C2orf72: variants seen among roughly 807,000 people sequenced by gnomAD.
C2orf72 encodes the protein uncharacterized protein C2orf72.
Under a neutral mutation model 14.4 loss-of-function variants are expected in C2orf72, and 16 were observed. That is an observed-to-expected ratio of 1.11 (90% confidence interval 0.75 to 1.69). The LOEUF (loss-of-function observed/expected upper bound fraction) is 1.69, where lower values mean the gene tolerates loss of function less well. Ranked by LOEUF, C2orf72 falls within the 40% of genes most tolerant of loss-of-function variation. C2orf72 has a pLI of 0.00. For missense variants in C2orf72, 371 were observed against 358.3 expected (o/e 1.04, Z -0.29); for synonymous variants, 168 against 176.8 (o/e 0.95, Z 0.40).
At chr2:231,044,095 A>G (rs1693378629) in intron 2 of C2orf72, among the ~76,000 whole-genome samples, 1 of 152,214 alleles carries the variant, frequency 6.6e-6, no homozygotes, top group South Asian at 2.1e-4. Context: ...CAGTAAAAAT[A>G]TGCTATAAAA....
At chr2:231,039,073 A>G (rs1454580574) in intron 1 of C2orf72, among the ~76,000 whole-genome samples, 1 of 151,948 alleles carries the variant, frequency 6.6e-6, no homozygotes, top group East Asian at 1.9e-4. Context: ...TATCGCAAGG[A>G]CAAAAAACCA....
chr2:231,038,281 C>A, intron 1 of C2orf72, 82 bp downstream of exon 1: 1 of 1,050,626 alleles, frequency 9.5e-7, no homozygotes, highest in Admixed American at 4.9e-5. Context: ...TTGGCCATTC[C>A]CTTATTGAGC....
Position 231,037,532 on chromosome 2 carries a change from C to CGG in C2orf72, c.-34_-33insGG. 1.0e-6 allele frequency: 1 copy of CGG among 998,404 alleles called. No individual in the cohort carries two copies. The highest frequency in any genetic ancestry group is 1.2e-6 in the Non-Finnish European group (1 of 840,448). The allele number at this position is 998,404 out of a possible 1,614,324, so 61.8% of individuals were successfully genotyped here. A position where few individuals can be genotyped will look rare whatever the true frequency, so the allele number is the denominator to read the frequency against. On this transcript the variant is annotated 5_prime_UTR_variant, in exon 1 of 3. Transcript: ENST00000373640. ...GAGGCGGGCAGCGGGTGCGCCCGGG[C>CGG]CGCGGCGGCCGCAGAGGGCGGGCGG...
chr2:231,044,945 T>TTATATATATATATATATATATA (rs58611878), intron 2 of C2orf72, among the ~76,000 whole-genome samples: 170 of 141,616 alleles, frequency 1.2e-3, no homozygotes, highest in South Asian at 3.1e-3. Context: ...ATATATATCT[T>TTATATATATATATATATATATA]TATATATATA....
Position 231,037,786 on chromosome 2 carries a change from C to T in C2orf72, c.221C>T (p.Ala74Val). 1 of 983,792 alleles carries T rather than the reference C, an allele frequency of 1.0e-6. No individual in the cohort carries two copies. 60.9% of individuals were successfully genotyped at this position (983,792 alleles called of 1,614,324 possible). Residue 74 changes from alanine (A) to valine (V), a missense_variant, in exon 1 of 3, where the codon GCG becomes GTG. Ala to Val is a moderately conservative substitution (Grantham distance 64). Coordinates refer to ENST00000373640, the MANE Select transcript of C2orf72 (RefSeq NM_001144994.2). ...AKPGGAAAEG[A>V]GPGAARGAQR... ...CCGGGCGGCGCGGCGGCAGAGGGCG[C>T]GGGGCCCGGGGCGGCGCGCGGGGCG... is the stretch of plus-strand genomic sequence containing the variant.
At chr2:231,039,704 A>G (rs1316830539) in intron 1 of C2orf72, among the ~76,000 whole-genome samples, 2 of 151,800 alleles carry the variant, frequency 1.3e-5, no homozygotes, top group African/African-American at 2.4e-5. Flanking sequence ...CAATAGAAAG[A>G]AGGGAATTCA....
intron 2 of C2orf72, among the ~76,000 whole-genome samples, chr2:231,043,112 G>A (rs534367874): frequency 2.0e-5 from 3 of 152,352 alleles, no homozygotes; most frequent in East Asian, 1.9e-4. Context: ...AGCTCCAAGA[G>A]GCCCCTGCCA....
intron 2 of C2orf72, among the ~76,000 whole-genome samples, chr2:231,044,962 T>TATATATATACAC (rs985747494): frequency 3.4e-5 from 5 of 146,426 alleles, no homozygotes; most frequent in African/African-American, 1.3e-4. Flanking sequence ...TATATATATA[T>TATATATATACAC]ACACACACAC....
intron 2 of C2orf72, among the ~76,000 whole-genome samples, chr2:231,045,477 T>C (rs1393964422): frequency 1.3e-5 from 2 of 150,950 alleles, no homozygotes; most frequent in Non-Finnish European, 3.0e-5. Context: ...ACAAGGTTAC[T>C]AGGTGACAGG....
At chr2:231,042,249 G>A (rs1464340710) in intron 2 of C2orf72, among the ~76,000 whole-genome samples, 3 of 152,148 alleles carry the variant, frequency 2.0e-5, no homozygotes, top group Non-Finnish European at 4.4e-5. Flanking sequence ...ATGTTAGAGA[G>A]ATAGGAAGCG....
intron 1 of C2orf72, among the ~76,000 whole-genome samples, chr2:231,038,685 G>A (rs866433262): frequency 1.6e-4 from 25 of 152,098 alleles, no homozygotes; most frequent in Admixed American, 1.5e-3. Flanking sequence ...GGGCGGAGGG[G>A]CATCTCCAGC....
chr2:231,044,671 T>G (rs1347692028), intron 2 of C2orf72, among the ~76,000 whole-genome samples: 9 of 146,872 alleles, frequency 6.1e-5, no homozygotes, highest in African/African-American at 2.3e-4. Flanking sequence ...TTTTAATTTT[T>G]TTTTTTTTTT....
In C2orf72 at chr2:231,037,679, GC is replaced by G. The variant is rs1693271063; in HGVS notation, c.115del (p.Leu39CysfsTer187). 4.6e-6 allele frequency: 5 copies of G among 1,094,324 alleles called. No homozygotes were observed. The South Asian group carries it at 1.1e-4, about 24-fold the overall frequency. 67.8% of individuals were successfully genotyped at this position (1,094,324 alleles called of 1,614,324 possible). On this transcript the variant is annotated frameshift_variant, in exon 1 of 3. Transcript: ENST00000373640. LOFTEE classifies it high-confidence loss of function. ...GRGQVLLVGELWEREQSRALL... is the reference protein window; with the variant it reads ...GRGQVLLVGEXWEREQSRALL... ...GCGGGCAGGTGCTGCTGGTGGGCGA[GC>G]TGTGGGAGCGCGAACAGAGCCGCGC...
At chr2:231,039,554 A>G (rs1204832950) in intron 1 of C2orf72, among the ~76,000 whole-genome samples, 1 of 151,988 alleles carries the variant, frequency 6.6e-6, no homozygotes, top group African/African-American at 2.4e-5. Flanking sequence ...GATGCTGCCA[A>G]TGTCACATTC....
In C2orf72 at chr2:231,042,716, G is replaced by A. The variant is rs574942890; in HGVS notation, c.748+1307G>A. 2.0e-5 allele frequency among the ~76,000 whole-genome samples: 3 copies of A among 152,290 alleles called. No homozygotes were observed. In the South Asian group the frequency reaches 6.2e-4, roughly 32 times the overall value. ...CTTCATTGCTGCATAAGAAATGATC[G>A]CAAGTAGGTTGGGCATGGTGACTCA... is the stretch of plus-strand genomic sequence containing the variant. On this transcript the variant is annotated intron_variant, in intron 2 of 2. Coordinates refer to ENST00000373640, the MANE Select transcript of C2orf72 (RefSeq NM_001144994.2).
chr2:231,042,451 ATC>A (rs773103122), intron 2 of C2orf72, among the ~76,000 whole-genome samples: 9 of 152,226 alleles, frequency 5.9e-5, no homozygotes, highest in Non-Finnish European at 8.8e-5. Context: ...GGAATGAGGT[ATC>A]TCTCTGAAAA....
chr2:231,037,646 G>T lies in C2orf72; in HGVS notation c.81G>T (p.Ala27=), dbSNP rs1328905864. ...EPPFQALVEA[A]GGRGQVLLVG... is the part of the protein sequence containing the mutation. ...CCTTCCAGGCGTTGGTGGAAGCGGC[G>T]GGGGGCCGCGGGCAGGTGCTGCTGG... Residue 27 remains alanine, a synonymous_variant, in exon 1 of 3, where the codon GCG becomes GCT. Coordinates refer to ENST00000373640, the MANE Select transcript of C2orf72 (RefSeq NM_001144994.2). 2.7e-6 allele frequency: 3 copies of T among 1,117,694 alleles called. No individual in the cohort carries two copies. Among genetic ancestry groups the T allele is most frequent in the Non-Finnish European group, 3.3e-6 (3 of 911,464 alleles). The allele number at this position is 1,117,694 out of a possible 1,614,324, so 69.2% of individuals were successfully genotyped here.
In C2orf72 at chr2:231,049,041, A is replaced by G. The variant is rs1417989641; in HGVS notation, c.*2020A>G. 6.6e-6 allele frequency: 1 copy of G among 152,188 alleles called. No homozygotes were observed. The highest frequency in any genetic ancestry group is 2.4e-5 in the African/African-American group (1 of 41,440). The allele number at this position is 152,188 out of a possible 1,614,324, so 9.4% of individuals were successfully genotyped here. ...ATATTTGAAACTTGGGAGATTACGT[A>G]TAAAAAATACCTAGTTTTCTGGGTG... On this transcript the variant is annotated 3_prime_UTR_variant, in exon 3 of 3. Coordinates refer to ENST00000373640, the MANE Select transcript of C2orf72 (RefSeq NM_001144994.2).
chr2:231,045,620 G>A (rs1031282394), intron 2 of C2orf72, among the ~76,000 whole-genome samples: 1 of 143,600 alleles, frequency 7.0e-6, no homozygotes, highest in Non-Finnish European at 1.5e-5. Flanking sequence ...CCAGGTTCAC[G>A]CCATTCTCCT....
Sources: gnomAD v4.1 joint callset for allele counts (sites outside exome capture counted in the v4.1 genomes callset) on GRCh38, gnomAD v4.1.1 for gene constraint, MANE v1.5 for transcripts, NCBI Gene and HGNC (gene_info 2026-07-23, HGNC 2026-07-21) for gene names.